Variants in LCE2C observed in about 807,000 individuals in gnomAD.
The protein encoded by LCE2C is late cornified envelope 2C, also known as late cornified envelope protein 2C.
For synonymous variants in LCE2C, 57 were observed against 51.0 expected (o/e 1.12, Z -0.50); for missense variants, 179 against 141.3 (o/e 1.27, Z -1.35).
In LCE2C at chr1:152,676,247, C is replaced by T. The variant is rs767003504; in HGVS notation, c.232C>T (p.Pro78Ser). The change falls in exon 2 of 2, where the codon CCC becomes TCC. Residue 78 changes from proline to serine, a missense_variant. Transcript: ENST00000368783. ...TGGCTGCTCCCTGAGCCACCACAGG[C>T]CCCGTCTCTTCCACCGGCGCCGGCA... Reference protein sequence around the residue: ...AGGCSLSHHRPRLFHRRRHQS... With the variant: ...AGGCSLSHHRSRLFHRRRHQS... The T allele has an allele frequency of 3.7e-6, 6 of 1,613,722 alleles. No homozygotes were observed. Among genetic ancestry groups the T allele is most frequent in the Non-Finnish European group, 4.2e-6 (5 of 1,179,976 alleles).
chr1:152,676,415 T>C lies in LCE2C; in HGVS notation c.*67T>C. ...CCTGCTACGGCCTGATGGATACTCT[T>C]TCCACTTCCTCTCATTCCATTCATT... is the stretch of plus-strand genomic sequence containing the variant. On this transcript the variant is annotated 3_prime_UTR_variant, in exon 2 of 2. Coordinates refer to ENST00000368783, the MANE Select transcript of LCE2C (RefSeq NM_178429.5). 1 of 1,526,296 alleles carries C rather than the reference T, an allele frequency of 6.6e-7. No homozygotes were observed. The highest frequency in any genetic ancestry group is 8.8e-7 in the Non-Finnish European group (1 of 1,140,076). 94.5% of individuals were successfully genotyped at this position (1,526,296 alleles called of 1,614,324 possible). A position where few individuals can be genotyped will look rare whatever the true frequency, so the allele number is the denominator to read the frequency against.
In LCE2C at chr1:152,676,053, C is replaced by T; in HGVS notation, c.38C>T (p.Pro13Leu). 6.2e-7 allele frequency: 1 copy of T among 1,614,214 alleles called. No homozygotes were observed. The highest frequency in any genetic ancestry group is 8.5e-7 in the Non-Finnish European group (1 of 1,180,030). Residue 13 changes from proline (P) to leucine (L), a missense_variant, in exon 2 of 2, where the codon CCT (proline) becomes CTT (leucine). By Grantham distance (98) the Pro-to-Leu change is moderately conservative (BLOSUM62 -3). Transcript: ENST00000368783. ...CQQNQQQCQP[P>L]PKCPPKCTPK... Reference sequence around the variant, plus strand: ...CAAAACCAGCAGCAGTGCCAGCCCCCTCCCAAGTGTCCTCCCAAGTGTACC... The same window carrying T: ...CAAAACCAGCAGCAGTGCCAGCCCCTTCCCAAGTGTCCTCCCAAGTGTACC...
intron 1 of LCE2C, 113 bp from the exon 2 acceptor site, chr1:152,675,882 T>G: frequency 8.0e-7 from 1 of 1,242,686 alleles, no homozygotes; most frequent in Non-Finnish European, 1.1e-6. Context: ...AGGTTACTGA[T>G]GTGATTGTAT....
Position 152,676,258 on chromosome 1 carries a change from C to A in LCE2C, c.243C>A (p.Phe81Leu), listed in dbSNP as rs961799302. 3.1e-6 allele frequency: 5 copies of A among 1,613,884 alleles called. No homozygotes were observed. In the Admixed American group the frequency reaches 8.3e-5, roughly 27 times the overall value. Reference sequence around the variant, plus strand: ...TGAGCCACCACAGGCCCCGTCTCTTCCACCGGCGCCGGCACCAGAGCCCCG... The same window carrying A: ...TGAGCCACCACAGGCCCCGTCTCTTACACCGGCGCCGGCACCAGAGCCCCG... ...CSLSHHRPRL[F>L]HRRRHQSPDC... The change falls in exon 2 of 2, where the codon TTC (phenylalanine) becomes TTA (leucine). Residue 81 changes from phenylalanine (F) to leucine (L), a missense_variant. By Grantham distance (22) the Phe-to-Leu change is conservative (BLOSUM62 0). Transcript: ENST00000368783.
At chr1:152,675,955 T>A (rs1422198052) in intron 1 of LCE2C, 40 bp from the exon 2 acceptor site, 3 of 1,585,738 alleles carry the variant, frequency 1.9e-6, no homozygotes, top group Non-Finnish European at 2.6e-6. Flanking sequence ...ATATGATCCT[T>A]GGTTTGAAAT....
In LCE2C at chr1:152,676,299, AAC is replaced by A. The variant is rs1343072919; in HGVS notation, c.285_286del (p.Glu95AspfsTer35). On this transcript the variant is annotated frameshift_variant, in exon 2 of 2. Coordinates refer to ENST00000368783, the MANE Select transcript of LCE2C (RefSeq NM_178429.5). LOFTEE classifies it low-confidence loss of function (END_TRUNC). The stretch of plus-strand genomic sequence containing the variant: ...CAGAGCCCCGACTGCTGTGAGAGTG[AAC>A]CTTCTGGGGGCTCTGGCTGCTGCCA... 6.2e-7 allele frequency: 1 copy of A among 1,613,434 alleles called. No homozygotes were observed. Among genetic ancestry groups the A allele is most frequent in the Admixed American group, 1.7e-5 (1 of 59,954 alleles).
In LCE2C at chr1:152,676,315, T is replaced by C. The variant is rs746531242; in HGVS notation, c.300T>C (p.Ser100=). ...GTGAGAGTGAACCTTCTGGGGGCTC[T>C]GGCTGCTGCCACAGCTCTGGGGGCT... ...DCCESEPSGG[S]GCCHSSGGCC is the part of the protein sequence containing the mutation. The change falls in exon 2 of 2, where the codon TCT becomes TCC. Residue 100 remains serine, a synonymous_variant. Transcript: ENST00000368783. The C allele has an allele frequency of 3.7e-6, 6 of 1,612,940 alleles. No homozygotes were observed. The highest frequency in any genetic ancestry group is 5.1e-6 in the Non-Finnish European group (6 of 1,179,476).
chr1:152,676,241 C>A lies in LCE2C; in HGVS notation c.226C>A (p.His76Asn), dbSNP rs773676690. Residue 76 changes from histidine to asparagine, a missense_variant, in exon 2 of 2, where the codon CAC becomes AAC. Physicochemically the swap from His to Asn is moderately conservative, Grantham distance 68. Coordinates refer to ENST00000368783, the MANE Select transcript of LCE2C (RefSeq NM_178429.5). ...SGAGGCSLSH[H>N]RPRLFHRRRH... is the part of the protein sequence containing the mutation. ...GGCTGGTGGCTGCTCCCTGAGCCAC[C>A]ACAGGCCCCGTCTCTTCCACCGGCG... 6.2e-7 allele frequency: 1 copy of A among 1,613,916 alleles called. No homozygotes were observed. The highest frequency in any genetic ancestry group is 1.3e-5 in the African/African-American group (1 of 74,966).
chr1:152,676,127 G>C lies in LCE2C; in HGVS notation c.112G>C (p.Ala38Pro). 1.9e-6 allele frequency: 3 copies of C among 1,614,146 alleles called. No individual in the cohort carries two copies. The highest frequency in any genetic ancestry group is 2.5e-6 in the Non-Finnish European group (3 of 1,180,024). The change falls in exon 2 of 2, where the codon GCT (alanine) becomes CCT (proline). Residue 38 changes from alanine to proline, a missense_variant. Ala to Pro is a conservative substitution (Grantham distance 27). Transcript: ENST00000368783. ...CPPKCPPQCPAPCFPAVSSCC... is the reference protein window; with the variant it reads ...CPPKCPPQCPPPCFPAVSSCC... ...CCCCAAATGCCCACCACAGTGCCCA[G>C]CTCCATGTTTCCCTGCAGTCTCTTC...
chr1:152,675,882 T>A, intron 1 of LCE2C, 113 bp from the exon 2 acceptor site: 1 of 1,242,686 alleles, frequency 8.0e-7, no homozygotes, highest in Non-Finnish European at 1.1e-6. Context: ...AGGTTACTGA[T>A]GTGATTGTAT....
chr1:152,676,028 C>A lies in LCE2C; in HGVS notation c.13C>A (p.Gln5Lys). Residue 5 changes from glutamine (Q) to lysine (K), a missense_variant, in exon 2 of 2, where the codon CAA (glutamine) becomes AAA (lysine). Physicochemically the swap from Gln to Lys is moderately conservative, Grantham distance 53. Coordinates refer to ENST00000368783, the MANE Select transcript of LCE2C (RefSeq NM_178429.5). ...AACTCCTGCCAGCATGTCTTGCCAG[C>A]AAAACCAGCAGCAGTGCCAGCCCCC... is the stretch of plus-strand genomic sequence containing the variant. MSCQ[Q>K]NQQQCQPPPK... 3.1e-6 allele frequency: 5 copies of A among 1,614,200 alleles called. No homozygotes were observed. The highest frequency in any genetic ancestry group is 4.2e-6 in the Non-Finnish European group (5 of 1,180,024).
rs567960140 is a variant in LCE2C, at chr1:152,675,321, T to C, written c.-29T>C. 3 of 152,404 alleles carry C rather than the reference T, an allele frequency of 2.0e-5. No homozygotes were observed. The highest frequency in any genetic ancestry group is 7.2e-5 in the African/African-American group (3 of 41,436). 9.4% of individuals were successfully genotyped at this position (152,404 alleles called of 1,614,324 possible). A position where few individuals can be genotyped will look rare whatever the true frequency, so the allele number is the denominator to read the frequency against. On this transcript the variant is annotated 5_prime_UTR_variant, in exon 1 of 2. Coordinates refer to ENST00000368783, the MANE Select transcript of LCE2C (RefSeq NM_178429.5). ...AGGGACGTGTCTGTGCTCCTGCGTGTGACCAGGGTGAGTGGCAACCTGGGA... is the reference window on the plus strand; with the variant it reads ...AGGGACGTGTCTGTGCTCCTGCGTGCGACCAGGGTGAGTGGCAACCTGGGA...
chr1:152,675,987 T>C lies in LCE2C; in HGVS notation c.-21-8T>C. ...AAATATTTAAAGAGTTTCATTATTATCTTTCAGGTTGACTAAACTCCTGCC... is the reference window on the plus strand; with the variant it reads ...AAATATTTAAAGAGTTTCATTATTACCTTTCAGGTTGACTAAACTCCTGCC... On this transcript the variant is annotated splice_polypyrimidine_tract_variant and splice_region_variant and intron_variant, in intron 1 of 1. Coordinates refer to ENST00000368783, the MANE Select transcript of LCE2C (RefSeq NM_178429.5). The C allele has an allele frequency of 6.2e-7, 1 of 1,612,224 alleles. No individual in the cohort carries two copies. Among genetic ancestry groups the C allele is most frequent in the Non-Finnish European group, 8.5e-7 (1 of 1,179,130 alleles).
chr1:152,675,778 G>A (rs535448494), intron 1 of LCE2C, among the ~76,000 whole-genome samples: 17 of 152,206 alleles, frequency 1.1e-4, no homozygotes, highest in Admixed American at 2.0e-4. Context: ...TAGAGCAATC[G>A]CAGTTTCCCC....
intron 1 of LCE2C, 37 bp downstream of exon 1, chr1:152,675,365 A>G (rs1648819439): frequency 6.5e-6 from 1 of 152,904 alleles, no homozygotes; most frequent in Non-Finnish European, 1.5e-5. Flanking sequence ...GGGTATGAGC[A>G]AGGCAGAGGG....
chr1:152,675,712 A>G (rs1307104563), intron 1 of LCE2C, among the ~76,000 whole-genome samples: 2 of 152,178 alleles, frequency 1.3e-5, no homozygotes, highest in African/African-American at 2.4e-5. Context: ...TAGGGCTTGT[A>G]TTAAAGGAAT....
Position 152,676,128 on chromosome 1 carries a change from C to A in LCE2C, c.113C>A (p.Ala38Asp). Reference sequence around the variant, plus strand: ...CCCAAATGCCCACCACAGTGCCCAGCTCCATGTTTCCCTGCAGTCTCTTCT... The same window carrying A: ...CCCAAATGCCCACCACAGTGCCCAGATCCATGTTTCCCTGCAGTCTCTTCT... Reference protein sequence around the residue: ...CPPKCPPQCPAPCFPAVSSCC... With the variant: ...CPPKCPPQCPDPCFPAVSSCC... The change falls in exon 2 of 2, where the codon GCT becomes GAT. Residue 38 changes from alanine (A) to aspartate (D), a missense_variant. Transcript: ENST00000368783. 1 of 1,614,238 alleles carries A rather than the reference C, an allele frequency of 6.2e-7. No individual in the cohort carries two copies. Among genetic ancestry groups the A allele is most frequent in the Non-Finnish European group, 8.5e-7 (1 of 1,180,046 alleles).
In LCE2C at chr1:152,676,015, C is replaced by G. The variant is rs12073860; in HGVS notation, c.-1C>G. On this transcript the variant is annotated 5_prime_UTR_variant, in exon 2 of 2. Coordinates refer to ENST00000368783, the MANE Select transcript of LCE2C (RefSeq NM_178429.5). The stretch of plus-strand genomic sequence containing the variant: ...TTCAGGTTGACTAAACTCCTGCCAG[C>G]ATGTCTTGCCAGCAAAACCAGCAGC... 1.6e-3 allele frequency: 2,659 copies of G among 1,612,862 alleles called. 39 individuals carry two copies. In the African/African-American group the frequency reaches 0.032, roughly 20 times the overall value.
Position 152,676,507 on chromosome 1 carries a change from C to T in LCE2C, c.*159C>T. 1 of 933,834 alleles carries T rather than the reference C, an allele frequency of 1.1e-6. No homozygotes were observed. Among genetic ancestry groups the T allele is most frequent in the Non-Finnish European group, 1.6e-6 (1 of 634,014 alleles). The allele number at this position is 933,834 out of a possible 1,614,324, so 57.8% of individuals were successfully genotyped here. Reference sequence around the variant, plus strand: ...GAACTTCGTGCTTGATGTAACACCCCAATTGCAAGTCTTCTTTTCCTCCTT... The same window carrying T: ...GAACTTCGTGCTTGATGTAACACCCTAATTGCAAGTCTTCTTTTCCTCCTT... On this transcript the variant is annotated 3_prime_UTR_variant, in exon 2 of 2. Transcript: ENST00000368783.
Sources: allele counts gnomAD v4.1 joint callset (sites outside exome capture counted in the v4.1 genomes callset), GRCh38; gene constraint gnomAD v4.1.1; transcripts MANE v1.5; gene names NCBI Gene and HGNC (gene_info 2026-07-23, HGNC 2026-07-21).